Variants in ARMH3 observed in about 807,000 individuals in gnomAD.
The protein encoded by ARMH3 is armadillo-like helical domain-containing protein 3.
ARMH3 carries 60 observed loss-of-function variants against 99.1 expected under a neutral mutation model. The ratio of observed to expected loss-of-function variants is 0.61; its 90% CI spans 0.49 to 0.75. ARMH3 has a LOEUF of 0.75. ARMH3 is among the 30% of genes least tolerant of loss of function. ARMH3 has a pLI of 0.00. For synonymous variants in ARMH3, 285 were observed against 292.8 expected, an observed-to-expected ratio of 0.97 and a Z score of 0.27; for missense variants, 679 against 843.1, an observed-to-expected ratio of 0.81 and a Z score of 2.41.
At chr10:101,946,229 C>T (rs143744868) in intron 22 of ARMH3, among the ~76,000 whole-genome samples, 6 of 151,984 alleles carry the variant, frequency 3.9e-5, no homozygotes, top group African/African-American at 1.4e-4. Context: ...TTAAAATTAT[C>T]ATGGACTTTA....
At chr10:102,035,597 G>A (rs1400899147) in intron 2 of ARMH3, among the ~76,000 whole-genome samples, 1 of 152,258 alleles carries the variant, frequency 6.6e-6, no homozygotes, top group South Asian at 2.1e-4. Context: ...GTGGAGACGG[G>A]GTTTCGCTGT....
At chr10:101,996,584 GT>G (rs1161701136) in intron 15 of ARMH3, among the ~76,000 whole-genome samples, 2 of 152,066 alleles carry the variant, frequency 1.3e-5, no homozygotes, top group Admixed American at 1.3e-4. Context: ...CCTTTAGCCA[GT>G]TTCTATGGCA....
chr10:102,041,491 A>G (rs1387668480), intron 1 of ARMH3, among the ~76,000 whole-genome samples: 1 of 152,196 alleles, frequency 6.6e-6, no homozygotes. Context: ...TCTGATCAAA[A>G]TCAAAATTTT....
intron 2 of ARMH3, among the ~76,000 whole-genome samples, chr10:102,033,664 C>T (rs1188914111): frequency 6.6e-6 from 1 of 152,108 alleles, no homozygotes; most frequent in South Asian, 2.1e-4. Flanking sequence ...ATGATCCGCC[C>T]GCCTCAGACT....
At chr10:102,033,648 G>C (rs2067186283) in intron 2 of ARMH3, among the ~76,000 whole-genome samples, 1 of 152,108 alleles carries the variant, frequency 6.6e-6, no homozygotes, top group African/African-American at 2.4e-5. Context: ...TTGATCTCCT[G>C]ACCTCATGAT....
At chr10:101,857,712 A>G (rs779530816) in intron 24 of ARMH3, among the ~76,000 whole-genome samples, 2 of 152,234 alleles carry the variant, frequency 1.3e-5, no homozygotes, top group Non-Finnish European at 2.9e-5. Flanking sequence ...AAAAATGAGA[A>G]TGACCTACTC....
intron 23 of ARMH3, among the ~76,000 whole-genome samples, chr10:101,927,198 C>T (rs1031552061): frequency 2.6e-5 from 4 of 152,080 alleles, no homozygotes; most frequent in African/African-American, 4.8e-5. Context: ...AAAGCTAAGA[C>T]TAAAAATTAA....
chr10:102,015,156 CAGAA>C (rs1337832991), intron 8 of ARMH3, among the ~76,000 whole-genome samples: 1 of 152,106 alleles, frequency 6.6e-6, no homozygotes, highest in Non-Finnish European at 1.5e-5. Context: ...CTTGATCTGA[CAGAA>C]GGAAGGCTCT....
chr10:101,872,511 A>AT (rs1219894642), intron 24 of ARMH3, among the ~76,000 whole-genome samples: 2 of 152,112 alleles, frequency 1.3e-5, no homozygotes, highest in Non-Finnish European at 2.9e-5. Flanking sequence ...AGCCTGACCA[A>AT]TATGGTGAAA....
At chr10:101,962,762 T>A (rs754128703) in intron 20 of ARMH3, among the ~76,000 whole-genome samples, 1 of 152,108 alleles carries the variant, frequency 6.6e-6, no homozygotes, top group Non-Finnish European at 1.5e-5. Flanking sequence ...GTCTCTGAAC[T>A]CCCACTGCTG....
intron 1 of ARMH3, among the ~76,000 whole-genome samples, chr10:102,053,911 G>A (rs994927024): frequency 1.6e-4 from 24 of 152,184 alleles, no homozygotes; most frequent in Non-Finnish European, 3.4e-4. Context: ...GCCGGCCTCC[G>A]CCTCCCAAAG....
At chr10:101,987,475 G>C (rs1216892897) in intron 19 of ARMH3, among the ~76,000 whole-genome samples, 1 of 152,032 alleles carries the variant, frequency 6.6e-6, no homozygotes, top group Non-Finnish European at 1.5e-5. Flanking sequence ...CAGCCTCCGG[G>C]GTCAGACATG....
At chr10:101,993,772 A>AT (rs1187124427) in intron 16 of ARMH3, among the ~76,000 whole-genome samples, 169 bp from the exon 17 acceptor site, 1 of 152,156 alleles carries the variant, frequency 6.6e-6, no homozygotes, top group African/African-American at 2.4e-5. Flanking sequence ...AAGCCATGAG[A>AT]TTTTTCTTTA....
intron 20 of ARMH3, among the ~76,000 whole-genome samples, chr10:101,961,303 GCTCT>G (rs745996332): frequency 5.3e-5 from 8 of 151,420 alleles, no homozygotes; most frequent in African/African-American, 7.3e-5. Context: ...GTGGCTGCTT[GCTCT>G]CTCTTTTTTT....
Position 102,023,717 on chromosome 10 carries a change from G to A in ARMH3, c.540C>T (p.Leu180=), listed in dbSNP as rs368367618. Reference sequence around the variant, plus strand: ...ATATGCTGTTGATCATTACATACTCGAGAATAGTGTTCTGGCTGATGTTAT... The same window carrying A: ...ATATGCTGTTGATCATTACATACTCAAGAATAGTGTTCTGGCTGATGTTAT... ...VTDNISQNTI[L]EYVMINSIFE... is the part of the protein sequence containing the mutation. Residue 180 remains leucine, a synonymous_variant, in exon 7 of 26, where the codon CTC becomes CTT. Coordinates refer to ENST00000370033, the MANE Select transcript of ARMH3 (RefSeq NM_024541.3). The A allele has an allele frequency of 6.8e-5, 110 of 1,613,962 alleles. No individual in the cohort carries two copies. The highest frequency in any genetic ancestry group is 1.8e-4 in the South Asian group (16 of 91,064).
intron 23 of ARMH3, among the ~76,000 whole-genome samples, chr10:101,906,140 T>A (rs1448536830): frequency 6.6e-6 from 1 of 152,256 alleles, no homozygotes; most frequent in Non-Finnish European, 1.5e-5. Context: ...TATACCACAA[T>A]CCATTTTCCT....
rs75540191 is a variant in ARMH3 at position 102,043,288 on chromosome 10, C to T, written c.-11-3163G>A. ...TAGAACACAGGTCTCCCAACCAACT[C>T]GGTGACATGGACAAGTTACTGTGCT... On this transcript the variant is annotated intron_variant, in intron 1 of 25. Transcript: ENST00000370033. Among the ~76,000 whole-genome samples the T allele has an allele frequency of 9.3e-3, 1,423 of 152,292 alleles. 19 individuals carry two copies. Among genetic ancestry groups the T allele is most frequent in the African/African-American group, 0.033 (1,353 of 41,560 alleles).
chr10:101,995,304 A>T lies in ARMH3; in HGVS notation c.1202T>A (p.Ile401Asn). The T allele has an allele frequency of 6.2e-7, 1 of 1,613,746 alleles. No individual in the cohort carries two copies. The highest frequency in any genetic ancestry group is 1.1e-5 in the South Asian group (1 of 91,048). ...GKLCLIILTC[I>N]AEDQYANAFL... ...AAGGCTCGTGAGACCTACCTCTGCA[A>T]TACATGTAAGGATAATCAGACAGAG... is the stretch of plus-strand genomic sequence containing the variant. Residue 401 changes from isoleucine to asparagine, a missense_variant, in exon 16 of 26, where the codon ATT (isoleucine) becomes AAT (asparagine). Ile to Asn is a moderately radical substitution (Grantham distance 149). Transcript: ENST00000370033.
At chr10:101,881,894 T>C (rs557311754) in intron 24 of ARMH3, among the ~76,000 whole-genome samples, 1 of 152,344 alleles carries the variant, frequency 6.6e-6, no homozygotes, top group Non-Finnish European at 1.5e-5. Flanking sequence ...CACTCCTCTT[T>C]CAAGGCCAAA....
Sources: allele counts gnomAD v4.1 joint callset (sites outside exome capture counted in the v4.1 genomes callset), GRCh38; gene constraint gnomAD v4.1.1; transcripts MANE v1.5; gene names NCBI Gene and HGNC (gene_info 2026-07-23, HGNC 2026-07-21).